The following ENO4 variants were observed in gnomAD, a reference collection of about 807,000 sequenced individuals.
ENO4 encodes enolase 4, also known as 2-phospho-D-glycerate hydro-lyase.
ENO4 carries 53 observed loss-of-function variants against 63.2 expected under a neutral mutation model. The observed-to-expected ratio is 0.84, with a 90% CI of 0.67 to 1.05. The LOEUF (loss-of-function observed/expected upper bound fraction) is 1.05, where lower values mean the gene tolerates loss of function less well. ENO4 is among the 50% of genes least tolerant of loss of function. ENO4 has a pLI of 0.00. For missense variants in ENO4, 719 were observed against 772.0 expected (o/e 0.93, Z 0.81); for synonymous variants, 266 against 283.8 (o/e 0.94, Z 0.63).
At chr10:116,865,446 A>G (rs1031034616) in intron 7 of ENO4, among the ~76,000 whole-genome samples, 2 of 152,132 alleles carry the variant, frequency 1.3e-5, no homozygotes, top group African/African-American at 4.8e-5. Context: ...CGGCCTCCCA[A>G]AGTGCTGGGA....
intron 9 of ENO4, among the ~76,000 whole-genome samples, chr10:116,871,811 A>T (rs978701853): frequency 1.3e-5 from 2 of 152,220 alleles, no homozygotes; most frequent in African/African-American, 4.8e-5. Context: ...GGTTAGGAGG[A>T]CAGAGCTTTA....
chr10:116,892,896 A>G (rs1359809417), intron 10 of ENO4, among the ~76,000 whole-genome samples: 1 of 152,210 alleles, frequency 6.6e-6, no homozygotes, highest in Non-Finnish European at 1.5e-5. Context: ...AATGGCTAAG[A>G]AAACTACAAT....
At chr10:116,879,233 G>T in intron 11 of ENO4, 58 bp from the exon 12 acceptor site, 5 of 1,226,060 alleles carry the variant, frequency 4.1e-6, no homozygotes, top group Non-Finnish European at 5.7e-6. Context: ...GATCCCAGAG[G>T]CCCACATGTA....
At chr10:116,862,536 C>G (rs979845315) in intron 6 of ENO4, among the ~76,000 whole-genome samples, 1 of 152,102 alleles carries the variant, frequency 6.6e-6, no homozygotes, top group African/African-American at 2.4e-5. Context: ...GAGGATGAAG[C>G]TAACTTGATC....
Position 116,854,138 on chromosome 10 carries a change from C to T in ENO4, c.166-1485C>T, listed in dbSNP as rs564511779. On this transcript the variant is annotated intron_variant, in intron 1 of 13. Coordinates refer to ENST00000341276, the MANE Select transcript of ENO4 (RefSeq NM_001242699.2). ...CTTCTGCTTTTCCACCTCAATGAAA[C>T]TGCAATTACTAAGGCTCCCAACAAG... is the stretch of plus-strand genomic sequence containing the variant. Among the ~76,000 whole-genome samples, 7 of 152,118 alleles carry T rather than the reference C, an allele frequency of 4.6e-5. No homozygotes were observed. The South Asian group carries it at 8.3e-4, about 18-fold the overall frequency.
chr10:116,900,680 TAAAC>T, intron 10 of ENO4: 8 of 1,466,376 alleles, frequency 5.5e-6, no homozygotes, highest in South Asian at 2.8e-5. Flanking sequence ...AATTAGGTGT[TAAAC>T]AAATTTAATA....
At chr10:116,851,985 C>T (rs1224052830) in intron 1 of ENO4, among the ~76,000 whole-genome samples, 2 of 152,126 alleles carry the variant, frequency 1.3e-5, no homozygotes, top group Middle Eastern at 3.2e-3. Flanking sequence ...CAAACCTCAT[C>T]TTGAATTGTA....
chr10:116,879,241 G>A (rs1846927921), intron 11 of ENO4, 50 bp from the exon 12 acceptor site: 1 of 1,352,664 alleles, frequency 7.4e-7, no homozygotes, highest in South Asian at 1.3e-5. Context: ...AGGCCCACAT[G>A]TATCCTAACT....
At position 116,849,607 on chromosome 10, in the gene ENO4, G is replaced by C. The variant is rs555277881; in HGVS notation, c.41G>C (p.Arg14Thr). ...EGGGRSCGTT[R>T]ELQKLKQQAM... is the part of the protein sequence containing the mutation. ...GGCGGCCGCAGCTGTGGGACCACTA[G>C]GGAGCTGCAGAAGCTGAAGCAGCAG... The change falls in exon 1 of 14, where the codon AGG (arginine) becomes ACG (threonine). Residue 14 changes from arginine (R) to threonine (T), a missense_variant. By Grantham distance (71) the Arg-to-Thr change is moderately conservative. Coordinates refer to ENST00000341276, the MANE Select transcript of ENO4 (RefSeq NM_001242699.2). 4.7e-5 allele frequency: 73 copies of C among 1,549,910 alleles called. 1 individual carries two copies. Among genetic ancestry groups the C allele is most frequent in the Middle Eastern group, 3.4e-4 (2 of 5,970 alleles).
At chr10:116,900,272 ATAAAT>A (rs1409052584) in intron 10 of ENO4, 1 of 469,962 alleles carries the variant, frequency 2.1e-6, no homozygotes, top group Non-Finnish European at 3.8e-6. Flanking sequence ...CTTTAAGTAG[ATAAAT>A]TAAACTGGAA....
At chr10:116,886,805 G>T (rs988338432), downstream of ENO4, among the ~76,000 whole-genome samples, 1 of 152,208 alleles carries the variant, frequency 6.6e-6, no homozygotes, top group African/African-American at 2.4e-5. Flanking sequence ...ATTAACTACA[G>T]AAGTGTTAAA....
At chr10:116,877,156 C>G (rs79891555) in intron 11 of ENO4, among the ~76,000 whole-genome samples, 1,889 of 152,052 alleles carry the variant, frequency 0.012, 47 homozygotes, top group African/African-American at 0.042. Context: ...CCAAGCACAG[C>G]CAAGGAACAG....
At chr10:116,906,602 C>A (rs747882630) in intron 10 of ENO4, 1 of 1,599,728 alleles carries the variant, frequency 6.3e-7, no homozygotes, top group South Asian at 1.1e-5. Flanking sequence ...AAGAGAAGGA[C>A]TGTGGAGAAT....
At position 116,853,023 on chromosome 10, in the gene ENO4, C is replaced by T. The variant is rs80245816; in HGVS notation, c.166-2600C>T. 6.1e-4 allele frequency among the ~76,000 whole-genome samples: 93 copies of T among 152,190 alleles called. 1 individual carries two copies. In the East Asian group the frequency reaches 0.016, roughly 27 times the overall value. ...CAAAGCAGTAGATAATGGCCGGGCGCGGTGGCTCACGCCTGTAATCCCAGC... is the reference window on the plus strand; with the variant it reads ...CAAAGCAGTAGATAATGGCCGGGCGTGGTGGCTCACGCCTGTAATCCCAGC... On this transcript the variant is annotated intron_variant, in intron 1 of 13. Transcript: ENST00000341276.
intron 9 of ENO4, among the ~76,000 whole-genome samples, chr10:116,872,736 T>C (rs1479240858): frequency 6.6e-6 from 1 of 152,220 alleles, no homozygotes; most frequent in Non-Finnish European, 1.5e-5. Flanking sequence ...GCCCAGCATA[T>C]TGCCAAGCAT....
Position 116,871,145 on chromosome 10 carries a change from G to A in ENO4, c.1068G>A (p.Met356Ile). The A allele has an allele frequency of 6.4e-7, 1 of 1,550,436 alleles. No homozygotes were observed. The highest frequency in any genetic ancestry group is 8.7e-7 in the Non-Finnish European group (1 of 1,146,960). The change falls in exon 9 of 14, where the codon ATG (methionine) becomes ATA (isoleucine). Residue 356 changes from methionine (M) to isoleucine (I), a missense_variant. Physicochemically the swap from Met to Ile is conservative, Grantham distance 10. This residue lies in a region of ENO4 where 544 missense variants were observed against 583.6 expected (regional missense o/e 0.93). Coordinates refer to ENST00000341276, the MANE Select transcript of ENO4 (RefSeq NM_001242699.2). The stretch of plus-strand genomic sequence containing the variant: ...TGCAGCAGCAGATCACTGGCAAGAT[G>A]TCTCATCTTGGCTGTTTAACCATTA... ...KRGQQQITGK[M>I]SHLGCLTINC...
In ENO4 at chr10:116,876,109, G is replaced by A. The variant is rs1198295835; in HGVS notation, c.1386G>A (p.Arg462=). Residue 462 remains arginine, a synonymous_variant, in exon 11 of 14, where the codon AGG becomes AGA. Coordinates refer to ENST00000341276, the MANE Select transcript of ENO4 (RefSeq NM_001242699.2). The part of the protein sequence containing the change: ...WDSIYHALGS[R]CYIIAGTASK... ...GCATCTATCACGCACTTGGTTCCAGGTGTTACATAATTGCAGGAACTGCTT... is the reference window on the plus strand; with the variant it reads ...GCATCTATCACGCACTTGGTTCCAGATGTTACATAATTGCAGGAACTGCTT... The A allele has an allele frequency of 1.3e-6, 2 of 1,550,496 alleles. No homozygotes were observed. Among genetic ancestry groups the A allele is most frequent in the Non-Finnish European group, 1.7e-6 (2 of 1,146,954 alleles).
At position 116,862,960 on chromosome 10, in the gene ENO4, G is replaced by A. The variant is rs1846454697; in HGVS notation, c.990+108G>A. ...ATCAATTGTGGTTGATATGGAGAAT[G>A]TATTTATTGGCTTTGGGTTTCCCCC... On this transcript the variant is annotated intron_variant, in intron 7 of 13. Coordinates refer to ENST00000341276, the MANE Select transcript of ENO4 (RefSeq NM_001242699.2). 5.0e-6 allele frequency: 4 copies of A among 801,980 alleles called. No individual in the cohort carries two copies. The East Asian group carries it at 8.1e-5, about 16-fold the overall frequency. The allele number at this position is 801,980 out of a possible 1,614,324, so 49.7% of individuals were successfully genotyped here. A position where few individuals can be genotyped will look rare whatever the true frequency, so the allele number is the denominator to read the frequency against.
chr10:116,908,091 A>T (rs1351740685), intron 10 of ENO4, among the ~76,000 whole-genome samples: 2 of 152,108 alleles, frequency 1.3e-5, no homozygotes, highest in African/African-American at 4.8e-5. Flanking sequence ...TGTTTAGGGA[A>T]TTTTTTCCCT....
Sources: allele counts gnomAD v4.1 joint callset (sites outside exome capture counted in the v4.1 genomes callset), GRCh38; gene constraint gnomAD v4.1.1; regional missense constraint gnomAD v4.1.1; transcripts MANE v1.5; gene names NCBI Gene and HGNC (gene_info 2026-07-23, HGNC 2026-07-21).